The following LRIG1 variants were observed in gnomAD, a reference collection of about 807,000 sequenced individuals.
LRIG1 encodes the protein leucine rich repeats and immunoglobulin like domains 1.
Under a neutral mutation model 99.2 loss-of-function variants are expected in LRIG1, and 48 were observed. The ratio of observed to expected loss-of-function variants is 0.48; its 90% CI spans 0.38 to 0.62. The LOEUF is 0.62. Among genes scored for constraint, LRIG1 ranks in the 20% least tolerant of loss-of-function variants. The pLI, the probability that LRIG1 is intolerant of heterozygous loss-of-function variation, is 0.00. For missense variants in LRIG1, 1,646 were observed against 1,434.4 expected (o/e 1.15, Z -2.38); for synonymous variants, 772 against 596.1 (o/e 1.29, Z -4.30).
intron 1 of LRIG1, among the ~76,000 whole-genome samples, chr3:66,486,655 G>A (rs1700981689): frequency 6.6e-6 from 1 of 152,168 alleles, no homozygotes; most frequent in South Asian, 2.1e-4. Context: ...CAAAACAAAC[G>A]AAAAGGGTCA....
intron 3 of LRIG1, among the ~76,000 whole-genome samples, chr3:66,444,608 A>T (rs1386655580): frequency 6.6e-6 from 1 of 152,126 alleles, no homozygotes; most frequent in Admixed American, 6.5e-5. Flanking sequence ...TCACCTGGGA[A>T]CTCATGAGCA....
chr3:66,407,155 G>T (rs1489360694), intron 8 of LRIG1, among the ~76,000 whole-genome samples, 193 bp downstream of exon 8: 1 of 152,192 alleles, frequency 6.6e-6, no homozygotes, highest in African/African-American at 2.4e-5. Flanking sequence ...GGAAATGAGA[G>T]ATTTTTCTGC....
At chr3:66,416,652 C>T (rs1214623485) in intron 4 of LRIG1, among the ~76,000 whole-genome samples, 1 of 152,176 alleles carries the variant, frequency 6.6e-6, no homozygotes, top group Non-Finnish European at 1.5e-5. Flanking sequence ...ACTGCCCTCC[C>T]CCAAACAAAC....
chr3:66,453,183 G>C (rs1264068691), intron 2 of LRIG1, among the ~76,000 whole-genome samples: 1 of 152,178 alleles, frequency 6.6e-6, no homozygotes, highest in African/African-American at 2.4e-5. Context: ...ATCAGAGCAA[G>C]AAAAACTAAG....
At position 66,380,201 on chromosome 3, in the gene LRIG1, C is replaced by T. The variant is rs1700952607; in HGVS notation, c.*62G>A. Reference sequence around the variant, plus strand: ...TGACGCTTGAACCCAAGCTTCCTCGCAGCCTCTCCTACCTCTCTTTCCCGT... The same window carrying T: ...TGACGCTTGAACCCAAGCTTCCTCGTAGCCTCTCCTACCTCTCTTTCCCGT... On this transcript the variant is annotated 3_prime_UTR_variant, in exon 19 of 19. Transcript: ENST00000273261. 7.1e-7 allele frequency: 1 copy of T among 1,409,062 alleles called. No homozygotes were observed. The highest frequency in any genetic ancestry group is 9.7e-7 in the Non-Finnish European group (1 of 1,027,952). 87.3% of individuals were successfully genotyped at this position (1,409,062 alleles called of 1,614,324 possible). A position where few individuals can be genotyped will look rare whatever the true frequency, so the allele number is the denominator to read the frequency against.
At chr3:66,415,379 C>A (rs187096338) in intron 4 of LRIG1, among the ~76,000 whole-genome samples, 4 of 152,284 alleles carry the variant, frequency 2.6e-5, no homozygotes, top group Admixed American at 2.6e-4. Flanking sequence ...ACCAGCCCTG[C>A]GTCAGGAGCC....
chr3:66,430,981 T>A (rs546140891), intron 3 of LRIG1, among the ~76,000 whole-genome samples: 2 of 151,812 alleles, frequency 1.3e-5, no homozygotes. Context: ...AGCACACTGA[T>A]GGTGTTCCCT....
chr3:66,470,011 T>G (rs528632473), intron 1 of LRIG1, among the ~76,000 whole-genome samples: 1 of 152,296 alleles, frequency 6.6e-6, no homozygotes, highest in South Asian at 2.1e-4. Flanking sequence ...AATTGGTAGT[T>G]TGTGGGTACA....
At chr3:66,414,353 C>G (rs1039971816) in intron 5 of LRIG1, among the ~76,000 whole-genome samples, 1 of 151,832 alleles carries the variant, frequency 6.6e-6, no homozygotes, top group Non-Finnish European at 1.5e-5. Context: ...GCTGAGATCA[C>G]ACCACTGCAC....
intron 6 of LRIG1, among the ~76,000 whole-genome samples, chr3:66,410,637 A>G (rs1702435004): frequency 1.3e-5 from 2 of 152,228 alleles, no homozygotes; most frequent in Admixed American, 1.3e-4. Flanking sequence ...CGGGAGTTCG[A>G]GACCAGCAAG....
intron 1 of LRIG1, among the ~76,000 whole-genome samples, chr3:66,492,566 CATAAAAG>C (rs1424984503): frequency 6.6e-6 from 1 of 152,018 alleles, no homozygotes; most frequent in African/African-American, 2.4e-5. Flanking sequence ...GAATGCAGAT[CATAAAAG>C]ATAAGAGATT....
chr3:66,398,934 G>A, intron 10 of LRIG1, 36 bp downstream of exon 10: 1 of 1,589,690 alleles, frequency 6.3e-7, no homozygotes, highest in East Asian at 2.2e-5. Context: ...GCATTCAGCA[G>A]GCTGTGCCTC....
chr3:66,432,096 A>C (rs1343966390), intron 3 of LRIG1, among the ~76,000 whole-genome samples: 1 of 152,254 alleles, frequency 6.6e-6, no homozygotes, highest in African/African-American at 2.4e-5. Context: ...GAGCAGACTA[A>C]GAAGTGTGGT....
At position 66,381,517 on chromosome 3, in the gene LRIG1, A is replaced by G. The variant is rs779752762; in HGVS notation, c.2732T>C (p.Met911Thr). ...CCCAGGTGTCCCTTCAGCTTTCTCC[A>G]TCGCTTTCCACGGCTCTTTGTGATA... ...SAYHKEPWKA[M>T]EKAEGTPGPH... is the part of the protein sequence containing the mutation. Residue 911 changes from methionine to threonine, a missense_variant, in exon 17 of 19, where the codon ATG (methionine) becomes ACG (threonine). Coordinates refer to ENST00000273261, the MANE Select transcript of LRIG1 (RefSeq NM_015541.3). The G allele has an allele frequency of 1.2e-6, 2 of 1,613,930 alleles. No homozygotes were observed. Among genetic ancestry groups the G allele is most frequent in the African/African-American group, 1.3e-5 (1 of 74,996 alleles).
intron 3 of LRIG1, among the ~76,000 whole-genome samples, chr3:66,443,509 G>C (rs1037813118): frequency 1.3e-5 from 2 of 152,184 alleles, no homozygotes; most frequent in South Asian, 4.1e-4. Context: ...CCTCTGTGTA[G>C]GGGAAGAGAA....
Position 66,380,072 on chromosome 3 carries a change from T to C in LRIG1, c.*191A>G, listed in dbSNP as rs1700943154. On this transcript the variant is annotated 3_prime_UTR_variant, in exon 19 of 19. Transcript: ENST00000273261. ...TGTACAATGATATCAAATACTTTTT[T>C]TGCCTTTTGTACACAAATCCCCTCT... 1 of 518,104 alleles carries C rather than the reference T, an allele frequency of 1.9e-6. No individual in the cohort carries two copies. The highest frequency in any genetic ancestry group is 3.4e-6 in the Non-Finnish European group (1 of 293,834). The allele number at this position is 518,104 out of a possible 1,614,324, so 32.1% of individuals were successfully genotyped here.
rs942686160 is a variant in LRIG1, at chr3:66,500,937, G to C, written c.-530C>G. ...CCCACGCCGCGGCCAGAGAGCGCGCGCGCGCGCGCAGCCTCGGGTTCCGCA... is the reference window on the plus strand; with the variant it reads ...CCCACGCCGCGGCCAGAGAGCGCGCCCGCGCGCGCAGCCTCGGGTTCCGCA... On this transcript the variant is annotated 5_prime_UTR_variant, in exon 1 of 19. Transcript: ENST00000273261. 1 of 151,894 alleles carries C rather than the reference G, an allele frequency of 6.6e-6. No homozygotes were observed. The highest frequency in any genetic ancestry group is 2.0e-4 in the East Asian group (1 of 5,104). The allele number at this position is 151,894 out of a possible 1,614,324, so 9.4% of individuals were successfully genotyped here.
chr3:66,402,019 C>G (rs1425576079), intron 9 of LRIG1, among the ~76,000 whole-genome samples: 2 of 152,178 alleles, frequency 1.3e-5, no homozygotes, highest in Admixed American at 6.5e-5. Flanking sequence ...CCACTGCAGG[C>G]CCGGCCCCCA....
chr3:66,425,332 T>A (rs1328648997), intron 3 of LRIG1, among the ~76,000 whole-genome samples: 1 of 152,244 alleles, frequency 6.6e-6, no homozygotes, highest in South Asian at 2.1e-4. Flanking sequence ...CTCGGCCAGG[T>A]GGCCCAGCTC....
Sources: gnomAD v4.1 joint callset for allele counts (sites outside exome capture counted in the v4.1 genomes callset) on GRCh38, gnomAD v4.1.1 for gene constraint, MANE v1.5 for transcripts, NCBI Gene and HGNC (gene_info 2026-07-23, HGNC 2026-07-21) for gene names.